The following MAGI2 variants were observed in gnomAD, a reference collection of about 807,000 sequenced individuals.
MAGI2 encodes membrane associated guanylate kinase, WW and PDZ domain containing 2.
MAGI2 carries 35 observed loss-of-function variants against 133.3 expected under a neutral mutation model. The ratio of observed to expected loss-of-function variants is 0.26; its 90% CI spans 0.20 to 0.35. MAGI2 has a LOEUF of 0.35. MAGI2 is among the 10% of genes least tolerant of loss of function. The pLI is 1.00. For missense variants in MAGI2, 1,636 were observed against 1,863.4 expected, an observed-to-expected ratio of 0.88 and a Z score of 2.25; for synonymous variants, 729 against 710.6, an observed-to-expected ratio of 1.03 and a Z score of -0.41.
chr7:78,311,116 A>G (rs1274275937), intron 9 of MAGI2, among the ~76,000 whole-genome samples: 1 of 152,246 alleles, frequency 6.6e-6, no homozygotes, highest in Non-Finnish European at 1.5e-5. Flanking sequence ...GAGCTGCCAA[A>G]TAACTCACCT....
At chr7:78,597,265 T>G (rs572934100) in intron 3 of MAGI2, among the ~76,000 whole-genome samples, 1 of 152,176 alleles carries the variant, frequency 6.6e-6, no homozygotes, top group South Asian at 2.1e-4. Flanking sequence ...ATTTGAGAAA[T>G]GCCTATTTAG....
chr7:79,234,393 C>G (rs1278101420), intron 1 of MAGI2, among the ~76,000 whole-genome samples: 1 of 151,954 alleles, frequency 6.6e-6, no homozygotes, highest in East Asian at 1.9e-4. Flanking sequence ...AGAGTGTTTT[C>G]CAACTTGGTT....
chr7:78,256,350 T>C lies in MAGI2; in HGVS notation c.1640A>G (p.Tyr547Cys). The change falls in exon 10 of 22, where the codon TAT becomes TGT. Residue 547 changes from tyrosine (Y) to cysteine (C), a missense_variant. Coordinates refer to ENST00000354212, the MANE Select transcript of MAGI2 (RefSeq NM_012301.4). Reference sequence around the variant, plus strand: ...TGAGGTCCGAGAAATGTACTCCAAATATGTTTCATAGTTGTGTCTTCCATT... The same window carrying C: ...TGAGGTCCGAGAAATGTACTCCAAACATGTTTCATAGTTGTGTCTTCCATT... ...MVNGRHNYET[Y>C]LEYISRTSQS... The C allele has an allele frequency of 6.2e-7, 1 of 1,614,084 alleles. No individual in the cohort carries two copies.
chr7:78,334,673 A>G lies in MAGI2; in HGVS notation c.1408+9105T>C, dbSNP rs146793619. Among the ~76,000 whole-genome samples, 3 of 152,314 alleles carry G rather than the reference A, an allele frequency of 2.0e-5. No individual in the cohort carries two copies. In the East Asian group the frequency reaches 5.8e-4, roughly 29 times the overall value. ...TGCAAAGCTGTACAGTAGGTGAGAA[A>G]GGAATCTTCTTGCTACTACTACAGG... is the stretch of plus-strand genomic sequence containing the variant. On this transcript the variant is annotated intron_variant, in intron 9 of 21. Coordinates refer to ENST00000354212, the MANE Select transcript of MAGI2 (RefSeq NM_012301.4).
intron 5 of MAGI2, among the ~76,000 whole-genome samples, chr7:78,497,954 A>AAAAG (rs1426007574): frequency 1.7e-4 from 26 of 152,126 alleles, no homozygotes; most frequent in Non-Finnish European, 5.9e-5. Flanking sequence ...GTTTTTACTG[A>AAAAG]TGTCAGCACT....
chr7:78,246,401 T>C (rs1466349419), intron 10 of MAGI2, among the ~76,000 whole-genome samples: 1 of 152,088 alleles, frequency 6.6e-6, no homozygotes, highest in African/African-American at 2.4e-5. Context: ...CTGGTGAAGC[T>C]GAGCAGCCAT....
At chr7:79,156,088 C>T (rs1823752777) in intron 1 of MAGI2, among the ~76,000 whole-genome samples, 1 of 151,950 alleles carries the variant, frequency 6.6e-6, no homozygotes, top group African/African-American at 2.4e-5. Context: ...TTTTTTTTAT[C>T]TTCCCCAAAT....
intron 2 of MAGI2, among the ~76,000 whole-genome samples, chr7:78,769,587 C>A (rs972854641): frequency 1.3e-5 from 2 of 152,102 alleles, no homozygotes; most frequent in Admixed American, 6.5e-5. Context: ...GAGATCAGAG[C>A]AAATCACAAT....
intron 9 of MAGI2, among the ~76,000 whole-genome samples, chr7:78,302,576 A>C (rs184343718): frequency 7.2e-5 from 11 of 152,272 alleles, no homozygotes; most frequent in African/African-American, 2.6e-4. Context: ...TTACAAACGA[A>C]TATAAACAGC....
At chr7:78,081,155 T>C (rs928613568) in intron 20 of MAGI2, among the ~76,000 whole-genome samples, 1 of 152,182 alleles carries the variant, frequency 6.6e-6, no homozygotes, top group Non-Finnish European at 1.5e-5. Context: ...TCCTCGACTC[T>C]ATGCTCTTCA....
At chr7:78,289,187 C>A (rs559670668) in intron 9 of MAGI2, among the ~76,000 whole-genome samples, 2 of 151,978 alleles carry the variant, frequency 1.3e-5, no homozygotes, top group Non-Finnish European at 2.9e-5. Flanking sequence ...TCGAACCCAT[C>A]GCAAAGAAGC....
chr7:78,767,189 C>T (rs1825117552), intron 2 of MAGI2, among the ~76,000 whole-genome samples: 1 of 152,032 alleles, frequency 6.6e-6, no homozygotes, highest in Non-Finnish European at 1.5e-5. Flanking sequence ...ACGGGTTTCA[C>T]CATGTTGGCC....
rs531634061 is a variant in MAGI2 at position 79,422,872 on chromosome 7, G to A, written c.301+30148C>T. ...AAACCTGTATAATGCTGAAACAAAAGGAAGGGGGTTCTTGGCACTCAAAAT... is the reference window on the plus strand; with the variant it reads ...AAACCTGTATAATGCTGAAACAAAAAGAAGGGGGTTCTTGGCACTCAAAAT... On this transcript the variant is annotated intron_variant, in intron 1 of 21. Coordinates refer to ENST00000354212, the MANE Select transcript of MAGI2 (RefSeq NM_012301.4). 6.8e-4 allele frequency among the ~76,000 whole-genome samples: 104 copies of A among 152,148 alleles called. 1 individual carries two copies. The South Asian group carries it at 0.012, about 18-fold the overall frequency.
At chr7:78,857,714 C>T (rs1300214274) in intron 2 of MAGI2, among the ~76,000 whole-genome samples, 1 of 152,084 alleles carries the variant, frequency 6.6e-6, no homozygotes, top group African/African-American at 2.4e-5. Context: ...CTAAAATTCT[C>T]TTTTTTTGTT....
chr7:78,875,530 A>G lies in MAGI2; in HGVS notation c.418+131560T>C, dbSNP rs576672471. On this transcript the variant is annotated intron_variant, in intron 2 of 21. Transcript: ENST00000354212. ...CTAAGCAGACTATCAGCTACTGCAT[A>G]CCATGTGTAGACAAATAAATAGTTT... Among the ~76,000 whole-genome samples, 6 of 152,390 alleles carry G rather than the reference A, an allele frequency of 3.9e-5. No homozygotes were observed. The South Asian group carries it at 1.2e-3, about 32-fold the overall frequency.
intron 3 of MAGI2, among the ~76,000 whole-genome samples, chr7:78,557,006 G>C (rs1018631433): frequency 6.8e-6 from 1 of 148,078 alleles, no homozygotes; most frequent in Non-Finnish European, 1.5e-5. Flanking sequence ...CAGAAGAATG[G>C]TGTTAATCGG....
At chr7:79,099,811 CT>C (rs890042601) in intron 1 of MAGI2, among the ~76,000 whole-genome samples, 3 of 151,906 alleles carry the variant, frequency 2.0e-5, no homozygotes, top group South Asian at 2.1e-4. Flanking sequence ...TGATCTTGTC[CT>C]TTTTTTTGGC....
At chr7:78,257,687 T>C (rs1039347579) in intron 9 of MAGI2, among the ~76,000 whole-genome samples, 2 of 152,236 alleles carry the variant, frequency 1.3e-5, no homozygotes, top group African/African-American at 4.8e-5. Context: ...TGGAGAACTA[T>C]TTTATCATGG....
intron 3 of MAGI2, among the ~76,000 whole-genome samples, chr7:78,584,451 GAAAC>G (rs1171913371): frequency 1.2e-5 from 1 of 84,340 alleles, no homozygotes; most frequent in Non-Finnish European, 2.7e-5. Flanking sequence ...AAAAAAAAAA[GAAAC>G]AAAGACGTTA....
Sources: gnomAD v4.1 joint callset for allele counts (sites outside exome capture counted in the v4.1 genomes callset) on GRCh38, gnomAD v4.1.1 for gene constraint, MANE v1.5 for transcripts, NCBI Gene and HGNC (gene_info 2026-07-23, HGNC 2026-07-21) for gene names.